KCNH8: variants seen among roughly 807,000 people sequenced by gnomAD.
The protein encoded by KCNH8 is voltage-gated delayed rectifier potassium channel KCNH8.
In KCNH8, 70 loss-of-function variants were observed where a neutral mutation model predicts 103.6. The observed-to-expected ratio is 0.68, with a 90% CI of 0.56 to 0.82. The LOEUF (loss-of-function observed/expected upper bound fraction) is 0.82. KCNH8 is among the 40% of genes least tolerant of loss of function. The probability of loss-of-function intolerance (pLI) is 0.00; values close to 1 mark genes in which losing one functional copy is unlikely to be tolerated. For missense variants in KCNH8, 1,217 were observed against 1,329.9 expected (o/e 0.92, Z 1.32); for synonymous variants, 498 against 489.4 (o/e 1.02, Z -0.23).
At chr3:19,155,410 C>G (rs2125181593) in intron 1 of KCNH8, among the ~76,000 whole-genome samples, 1 of 152,232 alleles carries the variant, frequency 6.6e-6, no homozygotes, top group South Asian at 2.1e-4. Flanking sequence ...CTAACTAGAC[C>G]CCTGTGACCA....
intron 2 of KCNH8, among the ~76,000 whole-genome samples, chr3:19,254,823 G>T (rs572931703): frequency 6.6e-6 from 1 of 152,192 alleles, no homozygotes; most frequent in South Asian, 2.1e-4. Context: ...TTGTAATTAG[G>T]TTGGGCTTGT....
intron 3 of KCNH8, among the ~76,000 whole-genome samples, chr3:19,327,349 G>A (rs539490588): frequency 6.6e-6 from 1 of 152,304 alleles, no homozygotes; most frequent in Non-Finnish European, 1.5e-5. Flanking sequence ...GAGTGCAGTG[G>A]TGTGATCTAG....
chr3:19,411,225 A>G (rs1424808688), intron 7 of KCNH8, among the ~76,000 whole-genome samples: 3 of 152,142 alleles, frequency 2.0e-5, no homozygotes, highest in Non-Finnish European at 4.4e-5. Flanking sequence ...ACAAAACAAT[A>G]AATGTGGTTT....
chr3:19,211,733 T>C (rs891668540), intron 1 of KCNH8, among the ~76,000 whole-genome samples: 2 of 152,194 alleles, frequency 1.3e-5, no homozygotes, highest in Non-Finnish European at 2.9e-5. Flanking sequence ...TATAATAAAA[T>C]TGATCTCAGA....
chr3:19,304,406 T>G (rs1171029104), intron 3 of KCNH8, among the ~76,000 whole-genome samples: 1 of 151,478 alleles, frequency 6.6e-6, no homozygotes, highest in African/African-American at 2.4e-5. Flanking sequence ...AGAGAAAAAA[T>G]CACATTAAAT....
intron 1 of KCNH8, among the ~76,000 whole-genome samples, chr3:19,191,651 A>C (rs990450020): frequency 2.2e-4 from 34 of 151,730 alleles, no homozygotes; most frequent in African/African-American, 7.3e-4. Flanking sequence ...TCTAATCAAT[A>C]CACCTTTTAA....
chr3:19,461,411 T>A (rs1396721008), intron 11 of KCNH8, among the ~76,000 whole-genome samples: 3 of 152,178 alleles, frequency 2.0e-5, no homozygotes, highest in African/African-American at 7.2e-5. Flanking sequence ...TGTATTCTGA[T>A]GATTACATTA....
chr3:19,389,065 ATAGCTCCTGT>A (rs1336032960), intron 5 of KCNH8, among the ~76,000 whole-genome samples: 26 of 152,310 alleles, frequency 1.7e-4, no homozygotes, highest in African/African-American at 6.3e-4. Context: ...CTTCCTTGTC[ATAGCTCCTGT>A]GCTTTTCACT....
At chr3:19,501,299 A>G (rs1465094115) in intron 11 of KCNH8, among the ~76,000 whole-genome samples, 1 of 152,222 alleles carries the variant, frequency 6.6e-6, no homozygotes, top group African/African-American at 2.4e-5. Flanking sequence ...CTTACCAACG[A>G]AAAAGAGTCC....
chr3:19,246,402 G>A (rs1369252760), intron 1 of KCNH8, among the ~76,000 whole-genome samples: 2 of 148,246 alleles, frequency 1.3e-5, no homozygotes, highest in African/African-American at 2.5e-5. Flanking sequence ...TCAGCCTCCC[G>A]AGTAGCTGGG....
intron 7 of KCNH8, among the ~76,000 whole-genome samples, chr3:19,400,550 T>A (rs902274307): frequency 1.3e-5 from 2 of 151,982 alleles, no homozygotes; most frequent in African/African-American, 4.8e-5. Flanking sequence ...GAGAGGAAGC[T>A]CTTTTATCTC....
chr3:19,508,386 A>C (rs962530119), intron 11 of KCNH8, among the ~76,000 whole-genome samples: 2 of 152,162 alleles, frequency 1.3e-5, no homozygotes, highest in East Asian at 3.9e-4. Context: ...ATTTAACCTT[A>C]ATAACAGCCA....
intron 1 of KCNH8, among the ~76,000 whole-genome samples, chr3:19,159,161 T>C (rs2063209594): frequency 6.6e-6 from 1 of 151,900 alleles, no homozygotes; most frequent in Admixed American, 6.6e-5. Flanking sequence ...TCTGTGTTAT[T>C]GAATCAATTA....
At chr3:19,202,071 C>T (rs2063668508) in intron 1 of KCNH8, among the ~76,000 whole-genome samples, 1 of 152,080 alleles carries the variant, frequency 6.6e-6, no homozygotes, top group Admixed American at 6.6e-5. Context: ...GTATTTGCAG[C>T]ACCAAATTCG....
intron 3 of KCNH8, among the ~76,000 whole-genome samples, chr3:19,335,435 A>ATG (rs1553638879): frequency 2.7e-5 from 4 of 145,884 alleles, no homozygotes; most frequent in East Asian, 2.0e-4. Context: ...GTGTATATAT[A>ATG]TGTGTGTGTG....
chr3:19,207,824 G>T (rs1026414490), intron 1 of KCNH8, among the ~76,000 whole-genome samples: 42 of 152,074 alleles, frequency 2.8e-4, no homozygotes, highest in African/African-American at 9.6e-4. Context: ...CTGTCTCATA[G>T]TTAATGGCTT....
chr3:19,534,587 A>T lies in KCNH8; in HGVS notation c.*488A>T, dbSNP rs1055847439. ...TATCACTGCATGTCATCTCCTAGAC[A>T]ATCAGTCAAATAGAGCTGGTGGCCA... On this transcript the variant is annotated 3_prime_UTR_variant, in exon 16 of 16. Transcript: ENST00000328405. 1 of 155,174 alleles carries T rather than the reference A, an allele frequency of 6.4e-6. No homozygotes were observed. Among genetic ancestry groups the T allele is most frequent in the African/African-American group, 2.4e-5 (1 of 41,500 alleles). 9.6% of individuals were successfully genotyped at this position (155,174 alleles called of 1,614,324 possible). A position where few individuals can be genotyped will look rare whatever the true frequency, so the allele number is the denominator to read the frequency against.
At chr3:19,195,133 G>GA (rs1399054784) in intron 1 of KCNH8, among the ~76,000 whole-genome samples, 40 of 151,796 alleles carry the variant, frequency 2.6e-4, no homozygotes, top group Non-Finnish European at 5.0e-4. Context: ...AGGAACACTT[G>GA]AAAAAAACCT....
At chr3:19,332,204 C>T (rs1460028068) in intron 3 of KCNH8, among the ~76,000 whole-genome samples, 6 of 152,112 alleles carry the variant, frequency 3.9e-5, no homozygotes, top group Non-Finnish European at 7.3e-5. Context: ...AAAATTCTAT[C>T]ACTACAAAAA....
Sources: allele counts gnomAD v4.1 joint callset (sites outside exome capture counted in the v4.1 genomes callset), GRCh38; gene constraint gnomAD v4.1.1; transcripts MANE v1.5; gene names NCBI Gene and HGNC (gene_info 2026-07-23, HGNC 2026-07-21).